The following WWOX variants were observed in gnomAD, a reference collection of about 807,000 sequenced individuals.
WWOX encodes the protein WW domain-containing oxidoreductase.
WWOX carries 69 observed loss-of-function variants against 46.2 expected under a neutral mutation model. The ratio of observed to expected loss-of-function variants is 1.49; its 90% CI spans 1.23 to 1.82. The LOEUF (loss-of-function observed/expected upper bound fraction) is 1.82. Among genes scored for constraint, WWOX ranks in the 40% most tolerant of loss-of-function variants. The pLI is 0.00. For missense variants in WWOX, 919 were observed against 542.6 expected (o/e 1.69, Z -6.89); for synonymous variants, 359 against 202.6 (o/e 1.77, Z -6.56).
intron 8 of WWOX, among the ~76,000 whole-genome samples, chr16:79,195,525 A>G (rs560633749): frequency 2.0e-5 from 3 of 152,138 alleles, no homozygotes; most frequent in East Asian, 1.9e-4. Context: ...CTGGCCCAGA[A>G]TGGGGGATCT....
chr16:78,161,202 A>G (rs1172485176), intron 4 of WWOX, among the ~76,000 whole-genome samples: 1 of 151,962 alleles, frequency 6.6e-6, no homozygotes, highest in African/African-American at 2.4e-5. Flanking sequence ...TTTTTTAAGG[A>G]CAGTATATGT....
intron 8 of WWOX, among the ~76,000 whole-genome samples, chr16:78,652,782 G>T (rs565311252): frequency 2.0e-5 from 3 of 152,106 alleles, no homozygotes; most frequent in African/African-American, 7.2e-5. Context: ...TCTTTAATAC[G>T]TGTATATATT....
chr16:78,862,096 CTG>C (rs960521961), intron 8 of WWOX, among the ~76,000 whole-genome samples: 4 of 151,918 alleles, frequency 2.6e-5, no homozygotes, highest in African/African-American at 4.8e-5. Context: ...ACGGGTGTGT[CTG>C]TATCTATACA....
intron 8 of WWOX, among the ~76,000 whole-genome samples, chr16:78,667,953 C>CAA: frequency 1.3e-5 from 2 of 152,152 alleles, no homozygotes; most frequent in Middle Eastern, 3.4e-3. Flanking sequence ...TGCTCTCAGC[C>CAA]AAAGCTCTTC....
intron 8 of WWOX, among the ~76,000 whole-genome samples, chr16:79,079,859 A>G (rs535758554): frequency 3.9e-5 from 6 of 152,220 alleles, no homozygotes; most frequent in Non-Finnish European, 7.3e-5. Context: ...CTCTGGGCAT[A>G]GCTTTGCCCC....
chr16:78,648,486 G>T (rs905123521), intron 8 of WWOX, among the ~76,000 whole-genome samples: 12 of 152,186 alleles, frequency 7.9e-5, no homozygotes, highest in Admixed American at 7.2e-4. Context: ...CATGGACAAT[G>T]GCCAGACCAT....
At chr16:78,399,838 C>A (rs571499899) in intron 6 of WWOX, among the ~76,000 whole-genome samples, 11 of 152,190 alleles carry the variant, frequency 7.2e-5, no homozygotes, top group African/African-American at 2.4e-4. Flanking sequence ...ACACTGAAAT[C>A]ACATTTTAAT....
At chr16:78,266,250 C>G (rs2079359726) in intron 5 of WWOX, among the ~76,000 whole-genome samples, 2 of 152,164 alleles carry the variant, frequency 1.3e-5, no homozygotes, top group African/African-American at 4.8e-5. Context: ...GTATGAAATT[C>G]AAATTTCAGT....
chr16:78,952,998 C>T (rs561063948), intron 8 of WWOX, among the ~76,000 whole-genome samples: 2 of 149,732 alleles, frequency 1.3e-5, no homozygotes, highest in Non-Finnish European at 3.0e-5. Flanking sequence ...TCACGCATTT[C>T]TCTGATTTGT....
intron 4 of WWOX, among the ~76,000 whole-genome samples, chr16:78,161,426 C>G (rs915277241): frequency 6.6e-6 from 1 of 150,948 alleles, no homozygotes; most frequent in African/African-American, 2.4e-5. Flanking sequence ...CTCTCTCTCT[C>G]TCTTTCTTTC....
intron 5 of WWOX, among the ~76,000 whole-genome samples, chr16:78,228,228 G>A (rs1192265716): frequency 6.6e-6 from 1 of 151,932 alleles, no homozygotes; most frequent in African/African-American, 2.4e-5. Flanking sequence ...CCCTGAAATC[G>A]TTTCTTCACT....
chr16:78,284,425 A>G (rs565920011), intron 5 of WWOX, among the ~76,000 whole-genome samples: 404 of 152,364 alleles, frequency 2.7e-3, no homozygotes, highest in Non-Finnish European at 4.2e-3. Context: ...GGCAAGAGTT[A>G]TCTTTGTCTA....
intron 8 of WWOX, among the ~76,000 whole-genome samples, chr16:78,800,441 G>T (rs139673745): frequency 6.6e-6 from 1 of 152,138 alleles, no homozygotes; most frequent in African/African-American, 2.4e-5. Context: ...GTAGTCACTG[G>T]CTATGAAAAT....
chr16:78,525,586 C>T (rs1478424352), intron 8 of WWOX: 3 of 152,152 alleles, frequency 2.0e-5, no homozygotes, highest in Non-Finnish European at 4.4e-5. Flanking sequence ...TGTCTGGTAG[C>T]ATCCACTGCA....
intron 4 of WWOX, among the ~76,000 whole-genome samples, chr16:78,117,366 A>C (rs73564505): frequency 0.055 from 8,368 of 152,004 alleles, 803 homozygotes; most frequent in African/African-American, 0.19. Context: ...GGCCTTTAAC[A>C]CTGTCACCTC....
intron 8 of WWOX, among the ~76,000 whole-genome samples, chr16:78,623,977 T>C (rs2046250523): frequency 6.6e-6 from 1 of 152,192 alleles, no homozygotes; most frequent in Admixed American, 6.5e-5. Flanking sequence ...TGAGGAGAAA[T>C]GAGGGGACTT....
At chr16:79,191,468 T>C (rs1252780053) in intron 8 of WWOX, among the ~76,000 whole-genome samples, 1 of 152,202 alleles carries the variant, frequency 6.6e-6, no homozygotes, top group Non-Finnish European at 1.5e-5. Flanking sequence ...ATTTTGCTTA[T>C]TTCAAAGTAG....
At chr16:78,637,906 G>T (rs1293536740) in intron 8 of WWOX, among the ~76,000 whole-genome samples, 1 of 152,082 alleles carries the variant, frequency 6.6e-6, no homozygotes, top group African/African-American at 2.4e-5. Context: ...TCCCTTCCTT[G>T]CAGGGTCCGT....
chr16:78,332,047 G>C (rs1264940706), intron 5 of WWOX, among the ~76,000 whole-genome samples: 1 of 152,112 alleles, frequency 6.6e-6, no homozygotes, highest in African/African-American at 2.4e-5. Flanking sequence ...CAGGGAGTCT[G>C]ATTACTGTTT....
Sources: gnomAD v4.1 joint callset for allele counts (sites outside exome capture counted in the v4.1 genomes callset) on GRCh38, gnomAD v4.1.1 for gene constraint, MANE v1.5 for transcripts, NCBI Gene and HGNC (gene_info 2026-07-23, HGNC 2026-07-21) for gene names.